LSG1: variants seen among roughly 807,000 people sequenced by gnomAD.
LSG1 encodes large 60S subunit nuclear export GTPase 1.
LSG1 carries 55 observed loss-of-function variants against 82.6 expected under a neutral mutation model. The observed-to-expected ratio is 0.67, with a 90% CI of 0.54 to 0.83. The LOEUF is 0.83. Among genes scored for constraint, LSG1 ranks in the 40% least tolerant of loss-of-function variants. The pLI is 0.00. For missense variants in LSG1, 809 were observed against 807.9 expected, an observed-to-expected ratio of 1.00 and a Z score of -0.02; for synonymous variants, 272 against 282.5, an observed-to-expected ratio of 0.96 and a Z score of 0.37.
chr3:194,669,451 C>T (rs977527089), intron 2 of LSG1, among the ~76,000 whole-genome samples: 1 of 152,210 alleles, frequency 6.6e-6, no homozygotes, highest in Non-Finnish European at 1.5e-5. Context: ...CCTTTGTTCT[C>T]TCCAGAATCT....
intron 11 of LSG1, 134 bp downstream of exon 11, chr3:194,648,547 T>C: frequency 5.4e-6 from 6 of 1,105,642 alleles, no homozygotes; most frequent in Non-Finnish European, 7.5e-6. Flanking sequence ...GAAAGATGGC[T>C]TGAAAAATGC....
rs1317767344 is a variant in LSG1 at position 194,644,501 on chromosome 3, C to T, written c.1797+72G>A. 4 of 1,141,422 alleles carry T rather than the reference C, an allele frequency of 3.5e-6. No individual in the cohort carries two copies. The African/African-American group carries it at 6.3e-5, about 18-fold the overall frequency. 70.7% of individuals were successfully genotyped at this position (1,141,422 alleles called of 1,614,324 possible). A position where few individuals can be genotyped will look rare whatever the true frequency, so the allele number is the denominator to read the frequency against. On this transcript the variant is annotated intron_variant, in intron 13 of 13. Transcript: ENST00000265245. ...TGGGGTTAATAAAATGTGTTTATGGCATGTGATACTCAATAAAGCTGTTAT... is the reference window on the plus strand; with the variant it reads ...TGGGGTTAATAAAATGTGTTTATGGTATGTGATACTCAATAAAGCTGTTAT...
intron 13 of LSG1, among the ~76,000 whole-genome samples, chr3:194,643,515 A>C (rs1437917159): frequency 1.3e-5 from 2 of 152,240 alleles, no homozygotes; most frequent in African/African-American, 2.4e-5. Flanking sequence ...CACATGTATT[A>C]GGATGGCTAA....
At chr3:194,646,285 A>G (rs376646451) in intron 11 of LSG1, 42 bp from the exon 12 acceptor site, 2 of 1,496,204 alleles carry the variant, frequency 1.3e-6, no homozygotes, top group Non-Finnish European at 1.9e-6. Flanking sequence ...AGATGACAGA[A>G]TATCACAACA....
chr3:194,641,288 T>A lies in LSG1; in HGVS notation c.*780A>T, dbSNP rs1328812316. 6.6e-6 allele frequency: 1 copy of A among 152,234 alleles called. No individual in the cohort carries two copies. The highest frequency in any genetic ancestry group is 1.9e-4 in the East Asian group (1 of 5,200). The allele number at this position is 152,234 out of a possible 1,614,324, so 9.4% of individuals were successfully genotyped here. A position where few individuals can be genotyped will look rare whatever the true frequency, so the allele number is the denominator to read the frequency against. On this transcript the variant is annotated 3_prime_UTR_variant, in exon 14 of 14. Coordinates refer to ENST00000265245, the MANE Select transcript of LSG1 (RefSeq NM_018385.3). ...GCTACAGTCAATTTTAGGACATTTT[T>A]ATCACTGCAAAAGAAAGACCTCAAT...
intron 11 of LSG1, 92 bp from the exon 12 acceptor site, chr3:194,646,335 C>A: frequency 2.2e-6 from 2 of 915,864 alleles, no homozygotes; most frequent in East Asian, 2.4e-5. Context: ...ACTAAGCATT[C>A]TTACTCTTGG....
At chr3:194,648,980 A>C in intron 10 of LSG1, 176 bp from the exon 11 acceptor site, 1 of 577,922 alleles carries the variant, frequency 1.7e-6, no homozygotes, top group Non-Finnish European at 2.9e-6. Flanking sequence ...TTCCCTTTTA[A>C]ACAAGGCCTT....
chr3:194,668,141 G>A (rs980618212), intron 2 of LSG1, among the ~76,000 whole-genome samples: 1 of 151,682 alleles, frequency 6.6e-6, no homozygotes, highest in African/African-American at 2.4e-5. Context: ...TACACCCCCA[G>A]GTACCTGGTG....
At chr3:194,670,752 A>G (rs1315776841) in intron 1 of LSG1, among the ~76,000 whole-genome samples, 2 of 152,172 alleles carry the variant, frequency 1.3e-5, no homozygotes, top group Non-Finnish European at 2.9e-5. Context: ...TTTGATAACC[A>G]TCACCCTAAG....
Position 194,641,930 on chromosome 3 carries a change from T to A in LSG1, c.*138A>T. ...AGGCCCTTGGTCTTGACATGGAGAC[T>A]GTTGGGTGCAGCCGTGCTCTGCAAG... On this transcript the variant is annotated 3_prime_UTR_variant, in exon 14 of 14. Transcript: ENST00000265245. The A allele has an allele frequency of 1.1e-6, 1 of 872,552 alleles. No individual in the cohort carries two copies. The highest frequency in any genetic ancestry group is 2.5e-5 in the East Asian group (1 of 39,384). 54.1% of individuals were successfully genotyped at this position (872,552 alleles called of 1,614,324 possible).
intron 8 of LSG1, among the ~76,000 whole-genome samples, chr3:194,652,509 T>C (rs1718695548): frequency 6.6e-6 from 1 of 152,124 alleles, no homozygotes; most frequent in Non-Finnish European, 1.5e-5. Context: ...ACATTCAATG[T>C]GAATAGGTAT....
At chr3:194,661,171 A>G (rs1378275769) in intron 5 of LSG1, among the ~76,000 whole-genome samples, 1 of 152,266 alleles carries the variant, frequency 6.6e-6, no homozygotes, top group African/African-American at 2.4e-5. Context: ...AAATGTCAGC[A>G]TAATCCTCTG....
At position 194,665,613 on chromosome 3, in the gene LSG1, A is replaced by T. The variant is rs1167635940; in HGVS notation, c.465T>A (p.Thr155=). Reference sequence around the variant, plus strand: ...AAAAGTCCAAATTTCGTTCAAATGGAGTCAATATCAGCTTCTGTTCCTCTT... The same window carrying T: ...AAAAGTCCAAATTTCGTTCAAATGGTGTCAATATCAGCTTCTGTTCCTCTT... ...RLEEEQKLIL[T]PFERNLDFWR... is the part of the protein sequence containing the mutation. Residue 155 remains threonine (T), a synonymous_variant, in exon 5 of 14, where the codon ACT becomes ACA. Transcript: ENST00000265245. 6.2e-7 allele frequency: 1 copy of T among 1,613,108 alleles called. No homozygotes were observed. Among genetic ancestry groups the T allele is most frequent in the Non-Finnish European group, 8.5e-7 (1 of 1,179,582 alleles).
intron 13 of LSG1, among the ~76,000 whole-genome samples, chr3:194,642,883 C>CAGAT (rs1220146935): frequency 6.6e-6 from 1 of 152,182 alleles, no homozygotes; most frequent in Non-Finnish European, 1.5e-5. Context: ...GAGCTACAAA[C>CAGAT]ATCTAAGTTT....
chr3:194,662,061 C>T (rs1718943903), intron 5 of LSG1, among the ~76,000 whole-genome samples: 1 of 152,180 alleles, frequency 6.6e-6, no homozygotes, highest in Non-Finnish European at 1.5e-5. Flanking sequence ...AATGTCAAAC[C>T]AACAAGAAGC....
chr3:194,649,053 A>G (rs944310848), intron 10 of LSG1: 1 of 352,966 alleles, frequency 2.8e-6, no homozygotes, highest in South Asian at 3.8e-5. Context: ...TATCTGAAAC[A>G]GACTTTAAAG....
At chr3:194,642,521 T>C (rs1477168676) in intron 13 of LSG1, among the ~76,000 whole-genome samples, 1 of 152,134 alleles carries the variant, frequency 6.6e-6, no homozygotes, top group East Asian at 1.9e-4. Flanking sequence ...TCTGGAAATT[T>C]GTCTTAATAT....
intron 7 of LSG1, among the ~76,000 whole-genome samples, chr3:194,655,878 C>A (rs1221092493): frequency 6.6e-6 from 1 of 152,088 alleles, no homozygotes; most frequent in African/African-American, 2.4e-5. Flanking sequence ...TTTGACAAAC[C>A]TGACAAAAAC....
chr3:194,649,297 G>A (rs919382259), intron 10 of LSG1, among the ~76,000 whole-genome samples: 2 of 152,062 alleles, frequency 1.3e-5, no homozygotes, highest in African/African-American at 4.8e-5. Flanking sequence ...TTCGTAAAGG[G>A]CAGGAGCCAT....
Sources: gnomAD v4.1 joint callset for allele counts (sites outside exome capture counted in the v4.1 genomes callset) on GRCh38, gnomAD v4.1.1 for gene constraint, MANE v1.5 for transcripts, NCBI Gene and HGNC (gene_info 2026-07-23, HGNC 2026-07-21) for gene names.